Variants in MAST4 observed in about 807,000 individuals in gnomAD.
MAST4 encodes microtubule associated serine/threonine kinase family member 4, also known as microtubule-associated serine/threonine-protein kinase 4.
MAST4 carries 89 observed loss-of-function variants against 162.7 expected under a neutral mutation model. That is an observed-to-expected ratio of 0.55 (90% CI 0.46 to 0.65). The LOEUF (loss-of-function observed/expected upper bound fraction) is 0.65, where lower values mean the gene tolerates loss of function less well. Ranked by LOEUF, MAST4 falls within the 30% of genes least tolerant of loss-of-function variation. The pLI, the probability that MAST4 is intolerant of heterozygous loss-of-function variation, is 0.00. For missense variants in MAST4, 3,153 were observed against 3,374.0 expected (o/e 0.93, Z 1.62); for synonymous variants, 1,479 against 1,361.1 (o/e 1.09, Z -1.91).
In MAST4 at chr5:66,810,387, A is replaced by G. The variant is rs567382216; in HGVS notation, c.642+21593A>G. The stretch of plus-strand genomic sequence containing the variant: ...ATAGACGTTCTGCTATCTTTATGTC[A>G]CTTCCAAGGTCCCCCTGGGTGTTGA... On this transcript the variant is annotated intron_variant, in intron 3 of 28. Coordinates refer to ENST00000403625, the MANE Select transcript of MAST4 (RefSeq NM_001164664.2). Among the ~76,000 whole-genome samples the G allele has an allele frequency of 1.8e-3, 276 of 152,192 alleles. 1 individual carries two copies. Among genetic ancestry groups the G allele is most frequent in the African/African-American group, 6.4e-3 (266 of 41,512 alleles).
At chr5:67,030,338 T>G (rs1295699176) in intron 4 of MAST4, among the ~76,000 whole-genome samples, 1 of 152,158 alleles carries the variant, frequency 6.6e-6, no homozygotes, top group Non-Finnish European at 1.5e-5. Flanking sequence ...GTTTTCTTTT[T>G]AAACTTTGGC....
At chr5:67,025,679 G>A (rs1754553666) in intron 4 of MAST4, among the ~76,000 whole-genome samples, 3 of 152,286 alleles carry the variant, frequency 2.0e-5, no homozygotes, top group South Asian at 4.1e-4. Flanking sequence ...TGATTTACCT[G>A]GTCAGCACTC....
chr5:66,711,237 T>C (rs1459256336), intron 1 of MAST4, among the ~76,000 whole-genome samples: 1 of 152,214 alleles, frequency 6.6e-6, no homozygotes, highest in African/African-American at 2.4e-5. Flanking sequence ...TTGTGACAAA[T>C]TATGACAAAC....
rs778234754 is a variant in MAST4 at position 67,090,274 on chromosome 5, G to A, written c.833+43G>A. 17 of 1,488,520 alleles carry A rather than the reference G, an allele frequency of 1.1e-5. No homozygotes were observed. The East Asian group carries it at 3.9e-4, about 34-fold the overall frequency. 92.2% of individuals were successfully genotyped at this position (1,488,520 alleles called of 1,614,324 possible). A position where few individuals can be genotyped will look rare whatever the true frequency, so the allele number is the denominator to read the frequency against. On this transcript the variant is annotated intron_variant, in intron 6 of 28. Transcript: ENST00000403625. Reference sequence around the variant, plus strand: ...GTGGAGGCATAAGGTCTTATAGAGAGAATCCCATTTTCCTCTCCCTCTCCC... The same window carrying A: ...GTGGAGGCATAAGGTCTTATAGAGAAAATCCCATTTTCCTCTCCCTCTCCC...
At chr5:66,900,436 T>G (rs1207133376) in intron 4 of MAST4, among the ~76,000 whole-genome samples, 2 of 152,166 alleles carry the variant, frequency 1.3e-5, no homozygotes, top group African/African-American at 4.8e-5. Flanking sequence ...CTTATTGAAC[T>G]GATTCATGTA....
chr5:67,081,030 A>G (rs1581484674), intron 5 of MAST4, among the ~76,000 whole-genome samples: 1 of 135,256 alleles, frequency 7.4e-6, no homozygotes, highest in Non-Finnish European at 1.5e-5. Context: ...TATATATTAT[A>G]TAATATAATA....
intron 1 of MAST4, among the ~76,000 whole-genome samples, chr5:66,652,061 G>C (rs1454361289): frequency 6.6e-6 from 1 of 152,200 alleles, no homozygotes; most frequent in Non-Finnish European, 1.5e-5. Context: ...ACATCAATCT[G>C]AGGAGGTGGT....
At chr5:67,050,975 G>A (rs902300564) in intron 4 of MAST4, among the ~76,000 whole-genome samples, 1 of 152,194 alleles carries the variant, frequency 6.6e-6, no homozygotes, top group Admixed American at 6.5e-5. Context: ...GGATGGAATA[G>A]CTGCAATTTG....
At chr5:66,722,772 C>G (rs1751296523) in intron 1 of MAST4, among the ~76,000 whole-genome samples, 1 of 152,086 alleles carries the variant, frequency 6.6e-6, no homozygotes, top group Non-Finnish European at 1.5e-5. Context: ...TAATCTATTT[C>G]TGAGTGGAGA....
intron 3 of MAST4, among the ~76,000 whole-genome samples, chr5:66,819,440 T>C (rs1007256639): frequency 2.0e-5 from 3 of 152,204 alleles, no homozygotes; most frequent in African/African-American, 7.2e-5. Context: ...CTAGGTAGAC[T>C]AAGGCTGAAG....
chr5:67,008,288 G>T (rs961041825), intron 4 of MAST4, among the ~76,000 whole-genome samples: 2 of 152,230 alleles, frequency 1.3e-5, no homozygotes, highest in Admixed American at 1.3e-4. Context: ...TCATAGGTCT[G>T]TGGCTATTCC....
chr5:66,937,910 C>T (rs1363003397), intron 4 of MAST4, among the ~76,000 whole-genome samples: 3 of 151,428 alleles, frequency 2.0e-5, no homozygotes, highest in African/African-American at 7.3e-5. Context: ...ATGATTATAC[C>T]CTTTATTTTA....
At chr5:66,689,115 CT>C (rs34170881) in intron 1 of MAST4, among the ~76,000 whole-genome samples, 39,817 of 150,692 alleles carry the variant, frequency 0.26, 5,444 homozygotes, top group African/African-American at 0.34. Context: ...TAAACAGTTC[CT>C]TTTTTTTTTT....
At chr5:67,000,567 G>A (rs553231254) in intron 4 of MAST4, among the ~76,000 whole-genome samples, 60 of 152,246 alleles carry the variant, frequency 3.9e-4, no homozygotes, top group African/African-American at 1.4e-3. Flanking sequence ...CTAACATGGT[G>A]AAACCCCGTC....
intron 1 of MAST4, among the ~76,000 whole-genome samples, chr5:66,726,891 C>T (rs1450128486): frequency 6.6e-6 from 1 of 152,102 alleles, no homozygotes; most frequent in Non-Finnish European, 1.5e-5. Flanking sequence ...AAACTGGTCC[C>T]TGGTGCCAAA....
At chr5:66,878,894 G>T (rs547228508) in intron 3 of MAST4, among the ~76,000 whole-genome samples, 146 of 152,280 alleles carry the variant, frequency 9.6e-4, no homozygotes, top group Non-Finnish European at 1.4e-3. Context: ...ATTGAAAAAT[G>T]GGCAAAGGAA....
intron 1 of MAST4, among the ~76,000 whole-genome samples, chr5:66,754,813 T>C (rs1753426668): frequency 6.6e-6 from 1 of 152,188 alleles, no homozygotes; most frequent in Non-Finnish European, 1.5e-5. Context: ...CGTGCTGTTT[T>C]ACATAGGCAT....
chr5:66,659,152 G>C (rs1411534207), intron 1 of MAST4, among the ~76,000 whole-genome samples: 1 of 152,178 alleles, frequency 6.6e-6, no homozygotes, highest in East Asian at 1.9e-4. Flanking sequence ...AGTGGGAAGG[G>C]GTGGGTCCCT....
At chr5:66,673,461 A>G (rs1017792000) in intron 1 of MAST4, among the ~76,000 whole-genome samples, 1 of 151,818 alleles carries the variant, frequency 6.6e-6, no homozygotes, top group African/African-American at 2.4e-5. Context: ...TCCCTTTCTG[A>G]AACATAACTT....
Sources: allele counts gnomAD v4.1 joint callset (sites outside exome capture counted in the v4.1 genomes callset), GRCh38; gene constraint gnomAD v4.1.1; transcripts MANE v1.5; gene names NCBI Gene and HGNC (gene_info 2026-07-23, HGNC 2026-07-21).